NDST1: variants seen among roughly 807,000 people sequenced by gnomAD.
NDST1 encodes the protein N-deacetylase and N-sulfotransferase 1, also known as bifunctional heparan sulfate N-deacetylase/N-sulfotransferase 1.
NDST1 carries 35 observed loss-of-function variants against 92.8 expected under a neutral mutation model. The observed-to-expected ratio is 0.38, with a 90% confidence interval of 0.29 to 0.50. The LOEUF is 0.50. Ranked by LOEUF, NDST1 falls within the 20% of genes least tolerant of loss-of-function variation. The probability of loss-of-function intolerance (pLI) is 0.94; values close to 1 mark genes in which losing one functional copy is unlikely to be tolerated. For missense variants in NDST1, 822 were observed against 1,182.7 expected (o/e 0.69, Z 4.47); for synonymous variants, 493 against 500.3 (o/e 0.99, Z 0.19).
At chr5:150,551,657 T>C in intron 13 of NDST1, 96 bp from the exon 14 acceptor site, 2 of 1,476,806 alleles carry the variant, frequency 1.4e-6, no homozygotes, top group South Asian at 2.4e-5. Flanking sequence ...GTAGATTCCC[T>C]GGTCTCTGCC....
At chr5:150,509,130 G>T (rs1753599256) in intron 1 of NDST1, among the ~76,000 whole-genome samples, 1 of 152,140 alleles carries the variant, frequency 6.6e-6, no homozygotes, top group African/African-American at 2.4e-5. Flanking sequence ...AGGCCCGCAT[G>T]GATTTTGGCT....
At chr5:150,537,921 A>G (rs1253599889) in intron 6 of NDST1, among the ~76,000 whole-genome samples, 1 of 152,194 alleles carries the variant, frequency 6.6e-6, no homozygotes, top group Non-Finnish European at 1.5e-5. Flanking sequence ...AAAAGGACCC[A>G]TGCTGAATAT....
At position 150,553,096 on chromosome 5, in the gene NDST1, C is replaced by T; in HGVS notation, c.2530-117C>T. On this transcript the variant is annotated intron_variant, in intron 14 of 14. Transcript: ENST00000261797. This position sits in a 1 kb window ranked among gnomAD's most constrained non-coding sequence, Gnocchi z 4.2. ...CCTCAGGTGATCCACATGCCTCGGC[C>T]TCCCAAAGTGCTGGGATTACAGGCA... is the stretch of plus-strand genomic sequence containing the variant. The T allele has an allele frequency of 9.2e-7, 1 of 1,081,430 alleles. No homozygotes were observed. Among genetic ancestry groups the T allele is most frequent in the Non-Finnish European group, 1.4e-6 (1 of 727,684 alleles). The allele number at this position is 1,081,430 out of a possible 1,614,324, so 67.0% of individuals were successfully genotyped here. A position where few individuals can be genotyped will look rare whatever the true frequency, so the allele number is the denominator to read the frequency against.
Position 150,541,670 on chromosome 5 carries a change from G to A in NDST1, c.1846+4G>A. The A allele has an allele frequency of 6.2e-7, 1 of 1,613,964 alleles. No homozygotes were observed. Among genetic ancestry groups the A allele is most frequent in the Middle Eastern group, 1.7e-4 (1 of 6,060 alleles). On this transcript the variant is annotated splice_donor_region_variant and intron_variant, in intron 9 of 14. Transcript: ENST00000261797. ...ATCATCGGCCCCCAGAAAACAGGCA[G>A]GTCTCTCTGCTCTTGACCGAGCTTC...
intron 10 of NDST1, among the ~76,000 whole-genome samples, chr5:150,544,998 G>A (rs1276635403): frequency 1.3e-5 from 2 of 152,138 alleles, no homozygotes; most frequent in African/African-American, 4.8e-5. Context: ...CTGAGGGGGC[G>A]GGATCCTAGA....
At chr5:150,527,030 A>T (rs994290524) in intron 2 of NDST1, among the ~76,000 whole-genome samples, 3 of 152,246 alleles carry the variant, frequency 2.0e-5, no homozygotes, top group Non-Finnish European at 2.9e-5. Context: ...CCCCAGCAGA[A>T]ACCTCCTCTT....
chr5:150,529,945 C>T (rs1384588427), intron 3 of NDST1, among the ~76,000 whole-genome samples: 2 of 152,216 alleles, frequency 1.3e-5, no homozygotes, highest in East Asian at 3.9e-4. Context: ...GAATGGATGA[C>T]ATTCGGGAGC....
At chr5:150,528,834 T>C (rs1754590167) in intron 3 of NDST1, among the ~76,000 whole-genome samples, 1 of 152,110 alleles carries the variant, frequency 6.6e-6, no homozygotes, top group Non-Finnish European at 1.5e-5. Flanking sequence ...TATTGAAGTA[T>C]TGAATATGAG....
intron 13 of NDST1, chr5:150,550,732 G>A (rs2151305002): frequency 6.6e-6 from 1 of 152,370 alleles, no homozygotes; most frequent in Non-Finnish European, 1.5e-5. Flanking sequence ...TCACCTTGAG[G>A]GAGAAGGGGC....
At chr5:150,541,300 G>A (rs1027476324) in intron 8 of NDST1, among the ~76,000 whole-genome samples, 10 of 152,180 alleles carry the variant, frequency 6.6e-5, no homozygotes, top group Admixed American at 1.3e-4. Context: ...TGGTTCAGAC[G>A]CAGCTTGTCC....
rs1347502221 is a variant in NDST1 at position 150,553,606 on chromosome 5, G to C, written c.*274G>C. On this transcript the variant is annotated 3_prime_UTR_variant, in exon 15 of 15. Transcript: ENST00000261797. This position sits in a 1 kb window ranked among gnomAD's most constrained non-coding sequence, Gnocchi z 4.2. ...CTGGGGAGGCCGCTTCCTGGTAGGAGGGAGTCCACGAGACTCTTTTCTGTC... is the reference window on the plus strand; with the variant it reads ...CTGGGGAGGCCGCTTCCTGGTAGGACGGAGTCCACGAGACTCTTTTCTGTC... The C allele has an allele frequency of 6.3e-5, 29 of 459,266 alleles. No homozygotes were observed. The highest frequency in any genetic ancestry group is 1.1e-4 in the Non-Finnish European group (27 of 244,808). 28.4% of individuals were successfully genotyped at this position (459,266 alleles called of 1,614,324 possible). A position where few individuals can be genotyped will look rare whatever the true frequency, so the allele number is the denominator to read the frequency against.
intron 3 of NDST1, among the ~76,000 whole-genome samples, chr5:150,528,844 G>C (rs1351770552): frequency 1.3e-5 from 2 of 152,062 alleles, no homozygotes; most frequent in Non-Finnish European, 2.9e-5. Context: ...TTGAATATGA[G>C]GAATTTTGCA....
At chr5:150,535,647 C>G (rs1754951320) in intron 5 of NDST1, 53 bp from the exon 6 acceptor site, 1 of 1,599,394 alleles carries the variant, frequency 6.3e-7, no homozygotes. Flanking sequence ...GGGGATAAGG[C>G]CCAAAGGGGA....
At chr5:150,531,834 G>A (rs1263003862) in intron 3 of NDST1, among the ~76,000 whole-genome samples, 2 of 152,086 alleles carry the variant, frequency 1.3e-5, no homozygotes, top group Admixed American at 1.3e-4. Context: ...TGTGGCTCGT[G>A]TGTCCTAACC....
intron 6 of NDST1, among the ~76,000 whole-genome samples, 187 bp from the exon 7 acceptor site, chr5:150,539,041 T>A (rs1755120822): frequency 6.6e-6 from 1 of 152,190 alleles, no homozygotes; most frequent in East Asian, 1.9e-4. Context: ...GTTTGTAAAA[T>A]GGCAAGGGCC....
At chr5:150,531,061 G>A (rs2151282996) in intron 3 of NDST1, among the ~76,000 whole-genome samples, 1 of 152,070 alleles carries the variant, frequency 6.6e-6, no homozygotes, top group East Asian at 1.9e-4. Flanking sequence ...ATAAGAAAGG[G>A]CAGAGTTTTT....
intron 3 of NDST1, among the ~76,000 whole-genome samples, chr5:150,530,502 AC>A (rs1346122100): frequency 6.6e-6 from 1 of 151,498 alleles, no homozygotes; most frequent in Non-Finnish European, 1.5e-5. Flanking sequence ...TCCTGGGCTC[AC>A]TGTGTTCCTA....
chr5:150,500,930 G>A (rs1581326529), intron 1 of NDST1, among the ~76,000 whole-genome samples: 1 of 152,226 alleles, frequency 6.6e-6, no homozygotes, highest in East Asian at 1.9e-4. Context: ...ACCTCCCTCT[G>A]CAGGGGCAGT....
At chr5:150,542,781 A>G (rs1755302837) in intron 9 of NDST1, 67 bp from the exon 10 acceptor site, 6 of 1,611,256 alleles carry the variant, frequency 3.7e-6, no homozygotes, top group Non-Finnish European at 4.2e-6. Flanking sequence ...AGCTAGGCCC[A>G]GAACCCAGAC....
Sources: gnomAD v4.1 joint callset for allele counts (sites outside exome capture counted in the v4.1 genomes callset) on GRCh38, gnomAD v4.1.1 for gene constraint, Gnocchi (gnomAD v3.1) non-coding constraint, MANE v1.5 for transcripts, NCBI Gene and HGNC (gene_info 2026-07-23, HGNC 2026-07-21) for gene names.